BCAT1: variants seen among roughly 807,000 people sequenced by gnomAD.
BCAT1 encodes the protein branched chain amino acid transaminase 1, also known as branched-chain-amino-acid aminotransferase, cytosolic.
In BCAT1, 48 loss-of-function variants were observed where a neutral mutation model predicts 52.4. The ratio of observed to expected loss-of-function variants is 0.92; its 90% CI spans 0.73 to 1.16. The LOEUF (loss-of-function observed/expected upper bound fraction) is 1.16. Among genes scored for constraint, BCAT1 ranks in the 50% most tolerant of loss-of-function variants. The pLI, the probability that BCAT1 is intolerant of heterozygous loss-of-function variation, is 0.00. For missense variants in BCAT1, 451 were observed against 457.1 expected, an observed-to-expected ratio of 0.99 and a Z score of 0.12; for synonymous variants, 167 against 161.3, an observed-to-expected ratio of 1.04 and a Z score of -0.27.
chr12:24,860,165 T>C (rs765291572), intron 5 of BCAT1, among the ~76,000 whole-genome samples: 1 of 152,202 alleles, frequency 6.6e-6, no homozygotes, highest in African/African-American at 2.4e-5. Context: ...TATAATCAGA[T>C]AGAGGGCTCT....
intron 1 of BCAT1, among the ~76,000 whole-genome samples, chr12:24,942,881 GA>G (rs977777020): frequency 3.9e-5 from 6 of 152,248 alleles, no homozygotes; most frequent in Non-Finnish European, 8.8e-5. Context: ...ATGAAACAGA[GA>G]AGAAAGTGAT....
chr12:24,896,789 G>C (rs1044735646), intron 2 of BCAT1, among the ~76,000 whole-genome samples: 6 of 151,970 alleles, frequency 3.9e-5, no homozygotes, highest in Non-Finnish European at 8.8e-5. Flanking sequence ...AGAAAGTTTA[G>C]CAACCCCTAT....
intron 1 of BCAT1, among the ~76,000 whole-genome samples, chr12:24,906,222 G>T (rs1440507228): frequency 1.3e-5 from 2 of 151,928 alleles, no homozygotes; most frequent in African/African-American, 4.8e-5. Flanking sequence ...ATGATATAAG[G>T]TGGGACAAGG....
At chr12:24,874,036 C>T (rs969093884) in intron 5 of BCAT1, among the ~76,000 whole-genome samples, 4 of 151,990 alleles carry the variant, frequency 2.6e-5, no homozygotes, top group African/African-American at 7.3e-5. Flanking sequence ...TGAAGGAGGC[C>T]GGGCATGGTG....
At chr12:24,878,395 T>C in intron 5 of BCAT1, 135 bp downstream of exon 5, 1 of 843,428 alleles carries the variant, frequency 1.2e-6, no homozygotes, top group Admixed American at 3.6e-5. Context: ...CCTCTAATCT[T>C]GACAATCAGA....
At chr12:24,848,481 C>T (rs1056507815) in intron 6 of BCAT1, among the ~76,000 whole-genome samples, 6 of 152,134 alleles carry the variant, frequency 3.9e-5, no homozygotes, top group African/African-American at 4.8e-5. Context: ...GCCCAAATAC[C>T]GGTTAATAAA....
chr12:24,947,866 TCTAA>T (rs1943955611), intron 1 of BCAT1, among the ~76,000 whole-genome samples: 1 of 152,206 alleles, frequency 6.6e-6, no homozygotes, highest in African/African-American at 2.4e-5. Flanking sequence ...AAATAGAACC[TCTAA>T]CTATAGAAGA....
chr12:24,884,743 C>T (rs1050938287), intron 3 of BCAT1, among the ~76,000 whole-genome samples: 1 of 151,956 alleles, frequency 6.6e-6, no homozygotes, highest in African/African-American at 2.4e-5. Flanking sequence ...TACAACATGA[C>T]TAAGTTGAAT....
chr12:24,887,080 A>AAAAAAAAAAATATATATAT (rs1245203518), intron 3 of BCAT1, among the ~76,000 whole-genome samples: 3 of 40,746 alleles, frequency 7.4e-5, no homozygotes, highest in South Asian at 1.2e-3. Context: ...AAAAAAAAAA[A>AAAAAAAAAAATATATATAT]ATATATATAT....
At chr12:24,942,707 C>G (rs1277570163) in intron 1 of BCAT1, among the ~76,000 whole-genome samples, 1 of 152,098 alleles carries the variant, frequency 6.6e-6, no homozygotes, top group East Asian at 1.9e-4. Flanking sequence ...AGTAGGAAGG[C>G]TAGGCACCCC....
At chr12:24,916,270 T>TCTTTTC (rs1943405189) in intron 1 of BCAT1, among the ~76,000 whole-genome samples, 1 of 152,216 alleles carries the variant, frequency 6.6e-6, no homozygotes, top group Non-Finnish European at 1.5e-5. Context: ...GTCTCCAAAA[T>TCTTTTC]ATCTTGAGGT....
At chr12:24,898,708 G>T (rs576023390) in intron 2 of BCAT1, among the ~76,000 whole-genome samples, 4 of 151,462 alleles carry the variant, frequency 2.6e-5, no homozygotes, top group African/African-American at 7.3e-5. Context: ...TACAAACAGG[G>T]TTTCACCATG....
At chr12:24,927,538 A>T (rs985477812) in intron 1 of BCAT1, among the ~76,000 whole-genome samples, 12 of 152,246 alleles carry the variant, frequency 7.9e-5, no homozygotes, top group African/African-American at 2.7e-4. Flanking sequence ...TGTCTTTTAA[A>T]GTTTAAACCA....
intron 5 of BCAT1, among the ~76,000 whole-genome samples, chr12:24,855,009 G>C (rs1941630590): frequency 6.6e-6 from 1 of 152,056 alleles, no homozygotes; most frequent in South Asian, 2.1e-4. Context: ...AAAAATAAAG[G>C]AACAGCTTGA....
At chr12:24,919,130 A>C (rs759130381) in intron 1 of BCAT1, among the ~76,000 whole-genome samples, 1 of 152,270 alleles carries the variant, frequency 6.6e-6, no homozygotes, top group Non-Finnish European at 1.5e-5. Flanking sequence ...TAGAGACAGA[A>C]AGAGAGACAG....
In BCAT1 at chr12:24,849,767, G is replaced by C. The variant is rs1052325213; in HGVS notation, c.674+19C>G. The C allele has an allele frequency of 6.3e-7, 1 of 1,598,068 alleles. No homozygotes were observed. Among genetic ancestry groups the C allele is most frequent in the African/African-American group, 1.3e-5 (1 of 74,566 alleles). On this transcript the variant is annotated intron_variant, in intron 6 of 10. Transcript: ENST00000261192. ...CATGAAGGTGTCTTTCCTTTAGACA[G>C]AGACACAGATTTACTTACCCTCCCA...
chr12:24,901,886 C>T lies in BCAT1; in HGVS notation c.7-1G>A. ...CTGCGGAGCATCCGTTACTGCAATCCTTAAAGAAGAATTAAACCACCATTA... is the reference window on the plus strand; with the variant it reads ...CTGCGGAGCATCCGTTACTGCAATCTTTAAAGAAGAATTAAACCACCATTA... On this transcript the variant is annotated splice_acceptor_variant, in intron 1 of 10. Transcript: ENST00000261192. LOFTEE classifies it high-confidence loss of function. The T allele has an allele frequency of 1.2e-6, 2 of 1,613,984 alleles. No homozygotes were observed. Among genetic ancestry groups the T allele is most frequent in the East Asian group, 2.2e-5 (1 of 44,888 alleles).
chr12:24,843,092 G>A (rs544779542), intron 6 of BCAT1, among the ~76,000 whole-genome samples: 2 of 152,064 alleles, frequency 1.3e-5, no homozygotes, highest in African/African-American at 4.8e-5. Context: ...GTCAGGGATC[G>A]GGAATAAACT....
chr12:24,840,968 A>G (rs1173289655), intron 7 of BCAT1, among the ~76,000 whole-genome samples: 1 of 152,228 alleles, frequency 6.6e-6, no homozygotes, highest in African/African-American at 2.4e-5. Flanking sequence ...TCAAAATTCT[A>G]ATAGAAATAA....
Sources: allele counts gnomAD v4.1 joint callset (sites outside exome capture counted in the v4.1 genomes callset), GRCh38; gene constraint gnomAD v4.1.1; transcripts MANE v1.5; gene names NCBI Gene and HGNC (gene_info 2026-07-23, HGNC 2026-07-21).